The following GALNTL6 variants were observed in gnomAD, a reference collection of about 807,000 sequenced individuals.
GALNTL6 encodes the protein polypeptide N-acetylgalactosaminyltransferase like 6, also known as polypeptide N-acetylgalactosaminyltransferase-like 6.
In GALNTL6, 46 loss-of-function variants were observed where a neutral mutation model predicts 73.7. The ratio of observed to expected loss-of-function variants is 0.62; its 90% CI spans 0.49 to 0.80. GALNTL6 has a LOEUF of 0.80. Ranked by LOEUF, GALNTL6 falls within the 30% of genes least tolerant of loss-of-function variation. GALNTL6 has a pLI of 0.00. For synonymous variants in GALNTL6, 259 were observed against 263.7 expected (o/e 0.98, Z 0.17); for missense variants, 604 against 755.0 (o/e 0.80, Z 2.34).
At chr4:171,980,273 G>C (rs75437963) in intron 2 of GALNTL6, among the ~76,000 whole-genome samples, 3,563 of 152,182 alleles carry the variant, frequency 0.023, 153 homozygotes, top group African/African-American at 0.081. Context: ...AACTAGTAGG[G>C]AGCACAGTTT....
At chr4:172,922,688 T>G (rs1455593205) in intron 8 of GALNTL6, among the ~76,000 whole-genome samples, 1 of 152,124 alleles carries the variant, frequency 6.6e-6, no homozygotes, top group Non-Finnish European at 1.5e-5. Flanking sequence ...AAGCACTAAG[T>G]ATAATTGAAA....
intron 8 of GALNTL6, among the ~76,000 whole-genome samples, chr4:172,915,862 T>A (rs1007530175): frequency 6.6e-6 from 1 of 151,904 alleles, no homozygotes; most frequent in Non-Finnish European, 1.5e-5. Context: ...TTCCAAAAAA[T>A]AGAAAAAGAG....
intron 5 of GALNTL6, among the ~76,000 whole-genome samples, chr4:172,355,864 A>G (rs1263270561): frequency 6.6e-6 from 1 of 152,166 alleles, no homozygotes; most frequent in Admixed American, 6.5e-5. Flanking sequence ...TTTGTAGGAC[A>G]TTAATGGTTG....
intron 5 of GALNTL6, among the ~76,000 whole-genome samples, chr4:172,806,760 T>A (rs1740986643): frequency 6.6e-6 from 1 of 152,154 alleles, no homozygotes; most frequent in African/African-American, 2.4e-5. Context: ...ATATTGATGA[T>A]CTGTGTTTAG....
intron 2 of GALNTL6, among the ~76,000 whole-genome samples, chr4:171,868,742 T>C (rs929624717): frequency 1.8e-4 from 27 of 152,146 alleles, no homozygotes; most frequent in African/African-American, 6.0e-4. Flanking sequence ...AGTGCAGTGG[T>C]GTGATCTTGG....
At chr4:172,962,474 T>G (rs1411115436) in intron 10 of GALNTL6, among the ~76,000 whole-genome samples, 1 of 152,234 alleles carries the variant, frequency 6.6e-6, no homozygotes, top group African/African-American at 2.4e-5. Context: ...CTTTTTAGTT[T>G]CCTATAAACT....
rs376274267 is a variant in GALNTL6 at position 172,175,079 on chromosome 4, A to ATT, written c.139-54563_139-54562dup. ...GTAATAGAGAAAGAGACAAACAAGAATTTTTTTTTTTTTTTGAGACGGAGT... is the reference window on the plus strand; with the variant it reads ...GTAATAGAGAAAGAGACAAACAAGAATTTTTTTTTTTTTTTTTGAGACGGAGT... On this transcript the variant is annotated intron_variant, in intron 2 of 12. Coordinates refer to ENST00000506823, the MANE Select transcript of GALNTL6 (RefSeq NM_001034845.3). Among the ~76,000 whole-genome samples, 103 of 146,216 alleles carry ATT rather than the reference A, an allele frequency of 7.0e-4. 1 individual carries two copies. The highest frequency in any genetic ancestry group is 7.5e-4 in the Admixed American group (11 of 14,574).
intron 5 of GALNTL6, among the ~76,000 whole-genome samples, chr4:172,572,073 A>G (rs13144240): frequency 0.47 from 72,038 of 152,000 alleles, 18,900 homozygotes; most frequent in East Asian, 0.67. Flanking sequence ...TGAAATGATG[A>G]TTGTGACAAT....
chr4:172,998,772 CCTT>C (rs1374846868), intron 10 of GALNTL6, among the ~76,000 whole-genome samples: 1 of 152,104 alleles, frequency 6.6e-6, no homozygotes, highest in East Asian at 1.9e-4. Flanking sequence ...CTTATTTTCT[CCTT>C]CTTATTTCTA....
chr4:172,337,972 A>T (rs960088532), intron 4 of GALNTL6, among the ~76,000 whole-genome samples: 27 of 151,982 alleles, frequency 1.8e-4, no homozygotes, highest in African/African-American at 5.8e-4. Flanking sequence ...TCATTTTCTA[A>T]TTTAAAAAAA....
chr4:172,017,807 A>T (rs760731390), intron 2 of GALNTL6, among the ~76,000 whole-genome samples: 1 of 152,042 alleles, frequency 6.6e-6, no homozygotes, highest in Non-Finnish European at 1.5e-5. Context: ...TGGGGCTACT[A>T]GGCTCTGGGC....
At chr4:172,691,718 T>C (rs1733309270) in intron 5 of GALNTL6, among the ~76,000 whole-genome samples, 1 of 152,204 alleles carries the variant, frequency 6.6e-6, no homozygotes, top group Non-Finnish European at 1.5e-5. Flanking sequence ...AGCAGGTGCA[T>C]CTGATACAGA....
intron 10 of GALNTL6, among the ~76,000 whole-genome samples, chr4:172,992,841 A>G (rs1751600585): frequency 6.6e-6 from 1 of 152,210 alleles, no homozygotes; most frequent in Admixed American, 6.5e-5. Flanking sequence ...TACAAAGGTC[A>G]TCGGATCGCT....
At chr4:172,396,603 T>C (rs1241748592) in intron 5 of GALNTL6, among the ~76,000 whole-genome samples, 1 of 152,164 alleles carries the variant, frequency 6.6e-6, no homozygotes, top group Non-Finnish European at 1.5e-5. Flanking sequence ...ATAAAACCAC[T>C]CACCTGTACA....
At position 172,528,319 on chromosome 4, in the gene GALNTL6, AATATATATATATATATATATATAT is replaced by A. The variant is rs3083419; in HGVS notation, c.553+179653_553+179676del. Among the ~76,000 whole-genome samples the A allele has an allele frequency of 3.3e-3, 345 of 103,646 alleles. 5 individuals are homozygous for A. Among genetic ancestry groups the A allele is most frequent in the African/African-American group, 0.011 (231 of 20,598 alleles). The allele number at this position is 103,646 out of a possible 152,430, so 68.0% of individuals were successfully genotyped here. On this transcript the variant is annotated intron_variant, in intron 5 of 12. Transcript: ENST00000506823. ...AATACATTTGGCTTGCTAGAAATAAAATATATATATATATATATATATATATATATATATATATATATATATGGT... is the reference window on the plus strand; with the variant it reads ...AATACATTTGGCTTGCTAGAAATAAAATATATATATATATATATATATGGT...
intron 2 of GALNTL6, among the ~76,000 whole-genome samples, chr4:172,142,999 G>GGATAGATAGATA (rs893239296): frequency 1.3e-5 from 2 of 151,762 alleles, no homozygotes; most frequent in African/African-American, 4.8e-5. Context: ...ATGTATGTAT[G>GGATAGATAGATA]GATAGATAGA....
At chr4:171,829,783 A>G (rs1266785118) in intron 2 of GALNTL6, among the ~76,000 whole-genome samples, 3 of 152,098 alleles carry the variant, frequency 2.0e-5, no homozygotes, top group Non-Finnish European at 2.9e-5. Flanking sequence ...TAAACATACT[A>G]GTGGGTAGAA....
At chr4:172,717,260 A>G (rs1735162377) in intron 5 of GALNTL6, among the ~76,000 whole-genome samples, 1 of 152,356 alleles carries the variant, frequency 6.6e-6, no homozygotes, top group East Asian at 1.9e-4. Context: ...TTATACCAAC[A>G]AAAGGGCATC....
intron 2 of GALNTL6, chr4:171,815,666 A>G (rs906137561): frequency 1.3e-5 from 2 of 152,226 alleles, no homozygotes; most frequent in Non-Finnish European, 2.9e-5. Context: ...TAATATTCTT[A>G]ATTTCAAGGG....
Sources: gnomAD v4.1 joint callset for allele counts (sites outside exome capture counted in the v4.1 genomes callset) on GRCh38, gnomAD v4.1.1 for gene constraint, MANE v1.5 for transcripts, NCBI Gene and HGNC (gene_info 2026-07-23, HGNC 2026-07-21) for gene names.